DZANK1: variants seen among roughly 807,000 people sequenced by gnomAD.
The protein encoded by DZANK1 is double zinc ribbon and ankyrin repeat-containing protein 1.
DZANK1 carries 91 observed loss-of-function variants against 94.5 expected under a neutral mutation model. The ratio of observed to expected loss-of-function variants is 0.96; its 90% CI spans 0.81 to 1.15. DZANK1 has a LOEUF of 1.15. Among genes scored for constraint, DZANK1 ranks in the 50% most tolerant of loss-of-function variants. The pLI is 0.00. For synonymous variants in DZANK1, 312 were observed against 325.3 expected, an observed-to-expected ratio of 0.96 and a Z score of 0.44; for missense variants, 903 against 916.4, an observed-to-expected ratio of 0.99 and a Z score of 0.19.
chr20:18,448,866 C>G (rs796243469), intron 7 of DZANK1, 118 bp downstream of exon 7: 28 of 473,086 alleles, frequency 5.9e-5, no homozygotes, highest in Admixed American at 2.2e-4. Flanking sequence ...GACTCCGTCT[C>G]AAAAAAAAAA....
intron 9 of DZANK1, among the ~76,000 whole-genome samples, chr20:18,429,338 CT>C (rs1338438705): frequency 6.6e-6 from 1 of 152,210 alleles, no homozygotes; most frequent in African/African-American, 2.4e-5. Flanking sequence ...TCCAAAACTG[CT>C]TCTCATAACT....
chr20:18,393,073 G>A (rs2056108262), intron 17 of DZANK1, among the ~76,000 whole-genome samples: 1 of 152,170 alleles, frequency 6.6e-6, no homozygotes, highest in African/African-American at 2.4e-5. Context: ...CCCAACAAAG[G>A]CTTCTACTTG....
chr20:18,386,653 C>T (rs2048512937), intron 19 of DZANK1, among the ~76,000 whole-genome samples: 3 of 152,090 alleles, frequency 2.0e-5, no homozygotes, highest in African/African-American at 4.8e-5. Flanking sequence ...AAAAGAAAGA[C>T]AGACATATGG....
chr20:18,419,678 T>C (rs959136428), intron 10 of DZANK1, among the ~76,000 whole-genome samples: 8 of 152,152 alleles, frequency 5.3e-5, no homozygotes, highest in African/African-American at 1.9e-4. Context: ...GAATTACATA[T>C]TCATCAAAAA....
intron 10 of DZANK1, among the ~76,000 whole-genome samples, chr20:18,417,860 T>C (rs988335493): frequency 2.0e-5 from 3 of 151,452 alleles, no homozygotes; most frequent in Non-Finnish European, 4.4e-5. Context: ...CTGAGGCGAG[T>C]GTATCACTAG....
intron 8 of DZANK1, among the ~76,000 whole-genome samples, chr20:18,435,531 T>C (rs1182333933): frequency 6.6e-6 from 1 of 151,920 alleles, no homozygotes; most frequent in Non-Finnish European, 1.5e-5. Context: ...CACTCATAAG[T>C]GGGAGTTGAA....
chr20:18,424,398 T>C (rs1349342984), intron 10 of DZANK1, among the ~76,000 whole-genome samples: 1 of 150,586 alleles, frequency 6.6e-6, no homozygotes, highest in Non-Finnish European at 1.5e-5. Context: ...GAGGTTGCAG[T>C]GACCCAAGAT....
At chr20:18,412,193 T>A (rs1250702743) in intron 13 of DZANK1, among the ~76,000 whole-genome samples, 1 of 152,102 alleles carries the variant, frequency 6.6e-6, no homozygotes, top group Non-Finnish European at 1.5e-5. Context: ...CAGACTAGAC[T>A]CAAGAGATCC....
At chr20:18,436,538 T>C (rs2058532857) in intron 8 of DZANK1, among the ~76,000 whole-genome samples, 1 of 150,778 alleles carries the variant, frequency 6.6e-6, no homozygotes, top group Non-Finnish European at 1.5e-5. Context: ...TCAACAGAAA[T>C]TATCTAATCT....
At chr20:18,461,602 T>C (rs1453988125) in intron 2 of DZANK1, among the ~76,000 whole-genome samples, 2 of 39,552 alleles carry the variant, frequency 5.1e-5, no homozygotes, top group Admixed American at 3.0e-4. Flanking sequence ...TTTGTAATCT[T>C]TTTTTTTTTT....
rs775079814 is a variant in DZANK1 at position 18,389,837 on chromosome 20, A to G, written c.1891-9T>C. 1.2e-6 allele frequency: 2 copies of G among 1,613,830 alleles called. No individual in the cohort carries two copies. The highest frequency in any genetic ancestry group is 2.2e-5 in the South Asian group (2 of 91,060). ...CAGTTGGGGTCTGCTCCCTGCAGCA[A>G]ACGGAAAAGGACAAACTCTCCAAAA... On this transcript the variant is annotated splice_polypyrimidine_tract_variant and intron_variant, in intron 18 of 20. Coordinates refer to ENST00000262547, the Ensembl canonical transcript of DZANK1.
intron 19 of DZANK1, among the ~76,000 whole-genome samples, chr20:18,386,375 A>G: frequency 6.6e-6 from 1 of 152,214 alleles, no homozygotes; most frequent in East Asian, 1.9e-4. Context: ...AGGTTCACAG[A>G]CATCTGAGAA....
At chr20:18,407,554 A>G (rs1028823024) in intron 13 of DZANK1, among the ~76,000 whole-genome samples, 20 of 152,228 alleles carry the variant, frequency 1.3e-4, no homozygotes, top group Admixed American at 1.2e-3. Flanking sequence ...TCAGGAGAAC[A>G]TGACCTCACC....
At chr20:18,418,759 C>T (rs972618565) in intron 10 of DZANK1, among the ~76,000 whole-genome samples, 1 of 151,626 alleles carries the variant, frequency 6.6e-6, no homozygotes, top group African/African-American at 2.4e-5. Context: ...ATTCTGTCCA[C>T]AATGAATAAA....
chr20:18,465,245 C>G lies in DZANK1; in HGVS notation c.109+5G>C. ...TAAACAATTTCAAACATATGTGATT[C>G]TTACCTGATTTCATTTCCAAAAGCG... On this transcript the variant is annotated splice_donor_5th_base_variant and intron_variant, in intron 2 of 20. Transcript: ENST00000262547. 6.5e-7 allele frequency: 1 copy of G among 1,547,308 alleles called. No homozygotes were observed. The highest frequency in any genetic ancestry group is 2.3e-5 in the East Asian group (1 of 43,856).
At chr20:18,463,665 CA>C (rs2059548848) in intron 2 of DZANK1, among the ~76,000 whole-genome samples, 1 of 152,060 alleles carries the variant, frequency 6.6e-6, no homozygotes, top group Non-Finnish European at 1.5e-5. Flanking sequence ...AATAGTCACC[CA>C]ACTTCTCCTA....
At chr20:18,426,927 G>T in intron 10 of DZANK1, 140 bp downstream of exon 10, 1 of 464,412 alleles carries the variant, frequency 2.2e-6, no homozygotes, top group East Asian at 3.3e-5. Flanking sequence ...CCCACATATG[G>T]AAATCTTGCT....
At chr20:18,429,937 G>C (rs1290574610) in intron 9 of DZANK1, among the ~76,000 whole-genome samples, 1 of 152,152 alleles carries the variant, frequency 6.6e-6, no homozygotes, top group Non-Finnish European at 1.5e-5. Context: ...GGCCTTAATG[G>C]GGATGGCAAA....
intron 9 of DZANK1, among the ~76,000 whole-genome samples, chr20:18,428,189 A>T (rs1321539886): frequency 6.6e-6 from 1 of 150,580 alleles, no homozygotes; most frequent in African/African-American, 2.4e-5. Flanking sequence ...AGTACAACTT[A>T]ATTTTTTTCT....
Sources: allele counts gnomAD v4.1 joint callset (sites outside exome capture counted in the v4.1 genomes callset), GRCh38; gene constraint gnomAD v4.1.1; transcripts MANE v1.5; gene names NCBI Gene and HGNC (gene_info 2026-07-23, HGNC 2026-07-21).